Variants in GLIS3 observed in about 807,000 individuals in gnomAD.
GLIS3 encodes the protein zinc finger protein GLIS3.
Under a neutral mutation model 78.6 loss-of-function variants are expected in GLIS3, and 53 were observed. The ratio of observed to expected loss-of-function variants is 0.67; its 90% CI spans 0.54 to 0.85. GLIS3 has a LOEUF of 0.85. Among genes scored for constraint, GLIS3 ranks in the 40% least tolerant of loss-of-function variants. The pLI is 0.00. For synonymous variants in GLIS3, 684 were observed against 509.9 expected (o/e 1.34, Z -4.60); for missense variants, 1,703 against 1,231.1 (o/e 1.38, Z -5.74).
chr9:4,035,680 C>G (rs969568637), intron 4 of GLIS3, among the ~76,000 whole-genome samples: 1 of 152,048 alleles, frequency 6.6e-6, no homozygotes, highest in African/African-American at 2.4e-5. Flanking sequence ...AAGCACGGGT[C>G]AGGGATGGCC....
At chr9:4,305,571 CTG>C (rs1469695531) in intron 4 of GLIS3, 2 of 152,222 alleles carry the variant, frequency 1.3e-5, no homozygotes, top group African/African-American at 2.4e-5. Flanking sequence ...GCTCATAAAT[CTG>C]GGCCTAAGTC....
chr9:3,869,036 A>T (rs369078068), intron 8 of GLIS3, among the ~76,000 whole-genome samples: 20 of 152,114 alleles, frequency 1.3e-4, no homozygotes, highest in Admixed American at 1.2e-3. Context: ...CTTCCGTTAG[A>T]CTGGATACTC....
At chr9:4,287,261 C>T (rs7025681) in intron 1 of GLIS3, among the ~76,000 whole-genome samples, 152,048 of 152,300 alleles carry the variant, frequency 1, 75,899 homozygotes, top group Middle Eastern at 1. Context: ...AAGGAGAGAA[C>T]GTCCCTTCTA....
At chr9:4,326,538 G>T (rs1169921824) in intron 2 of GLIS3, among the ~76,000 whole-genome samples, 1 of 148,362 alleles carries the variant, frequency 6.7e-6, no homozygotes, top group African/African-American at 2.4e-5. Flanking sequence ...TTTACCAGGG[G>T]GAGGGAGGAA....
At chr9:3,837,101 C>T (rs1447047158) in intron 9 of GLIS3, among the ~76,000 whole-genome samples, 1 of 152,174 alleles carries the variant, frequency 6.6e-6, no homozygotes, top group East Asian at 1.9e-4. Flanking sequence ...CACCAAGTCT[C>T]ATATGTCACA....
At chr9:4,174,075 T>C (rs1816614665) in intron 2 of GLIS3, among the ~76,000 whole-genome samples, 2 of 152,196 alleles carry the variant, frequency 1.3e-5, no homozygotes, top group Non-Finnish European at 2.9e-5. Flanking sequence ...GAAAGTCTAG[T>C]TAAGTAGGTC....
intron 4 of GLIS3, among the ~76,000 whole-genome samples, chr9:4,048,507 G>A (rs147632756): frequency 6.6e-5 from 10 of 152,228 alleles, no homozygotes; most frequent in South Asian, 6.2e-4. Flanking sequence ...TAGCTAGCAC[G>A]GTCAGAAACA....
At chr9:4,367,932 G>T in the GLIS3 span, among the ~76,000 whole-genome samples, 6 of 152,168 alleles carry the variant, frequency 3.9e-5, no homozygotes, top group Non-Finnish European at 7.4e-5. Flanking sequence ...TAAGTTCAGA[G>T]AGGTTTGTGT....
intron 4 of GLIS3, among the ~76,000 whole-genome samples, chr9:3,965,188 C>CTTTTTTTTTTTTTTTTTTTTT (rs750454441): frequency 2.3e-4 from 23 of 99,010 alleles, no homozygotes; most frequent in East Asian, 1.5e-3. Flanking sequence ...TCTTTCTTTT[C>CTTTTTTTTTTTTTTTTTTTTT]TTTTCTTTTT....
At chr9:4,253,676 G>C (rs547790801) in intron 2 of GLIS3, among the ~76,000 whole-genome samples, 2 of 152,192 alleles carry the variant, frequency 1.3e-5, no homozygotes, top group East Asian at 3.8e-4. Flanking sequence ...CCTGCAGCTA[G>C]CTGGGTGTCC....
At chr9:3,875,563 T>G (rs1431048956) in intron 8 of GLIS3, 1 of 152,214 alleles carries the variant, frequency 6.6e-6, no homozygotes, top group Non-Finnish European at 1.5e-5. Context: ...CCGGAGTTTT[T>G]ACTGGGGGAT....
intron 4 of GLIS3, chr9:4,081,212 A>C (rs956466121): frequency 6.6e-6 from 1 of 152,246 alleles, no homozygotes; most frequent in Non-Finnish European, 1.5e-5. Context: ...AGCTGGTACA[A>C]AAATGACCCA....
chr9:4,166,307 C>A (rs1375627523), intron 2 of GLIS3, among the ~76,000 whole-genome samples: 1 of 152,096 alleles, frequency 6.6e-6, no homozygotes, highest in East Asian at 1.9e-4. Flanking sequence ...TCCCAGGATA[C>A]ACTTTGATAC....
chr9:4,305,575 GC>G (rs1176791424), intron 4 of GLIS3: 1 of 152,192 alleles, frequency 6.6e-6, no homozygotes. Flanking sequence ...ATAAATCTGG[GC>G]CTAAGTCAAT....
intron 2 of GLIS3, among the ~76,000 whole-genome samples, chr9:4,237,866 T>C (rs1822913351): frequency 6.6e-6 from 1 of 152,224 alleles, no homozygotes; most frequent in African/African-American, 2.4e-5. Flanking sequence ...CAGCATTTTA[T>C]CAGTTTGATG....
intron 2 of GLIS3, among the ~76,000 whole-genome samples, chr9:4,337,576 G>C (rs943577788): frequency 6.6e-6 from 1 of 152,046 alleles, no homozygotes; most frequent in African/African-American, 2.4e-5. Flanking sequence ...CAAACAAAAA[G>C]CTTCAGGCTC....
intron 2 of GLIS3, among the ~76,000 whole-genome samples, chr9:4,150,125 G>A (rs1022150591): frequency 8.5e-5 from 13 of 152,114 alleles, no homozygotes; most frequent in Non-Finnish European, 1.9e-4. Context: ...AGCTTCCCCA[G>A]AGAAGCAACC....
chr9:4,263,671 C>T (rs1303838750), intron 2 of GLIS3, among the ~76,000 whole-genome samples: 1 of 152,206 alleles, frequency 6.6e-6, no homozygotes, highest in African/African-American at 2.4e-5. Flanking sequence ...CTTTGAACTC[C>T]TGTCAAGGTC....
chr9:4,431,787 C>T, the GLIS3 span, among the ~76,000 whole-genome samples: 4 of 147,020 alleles, frequency 2.7e-5, no homozygotes, highest in Admixed American at 1.4e-4. Flanking sequence ...GAGGTTGTAG[C>T]GAGCCTAGAT....
Sources: gnomAD v4.1 joint callset for allele counts (sites outside exome capture counted in the v4.1 genomes callset) on GRCh38, gnomAD v4.1.1 for gene constraint, MANE v1.5 for transcripts, NCBI Gene and HGNC (gene_info 2026-07-23, HGNC 2026-07-21) for gene names.